The following DNAJC13 variants were observed in gnomAD, a reference collection of about 807,000 sequenced individuals.
DNAJC13 encodes the protein dnaJ homolog subfamily C member 13.
DNAJC13 carries 75 observed loss-of-function variants against 290.5 expected under a neutral mutation model. The ratio of observed to expected loss-of-function variants is 0.26; its 90% CI spans 0.21 to 0.31. The LOEUF is 0.31. Among genes scored for constraint, DNAJC13 ranks in the 10% least tolerant of loss-of-function variants. The pLI, the probability that DNAJC13 is intolerant of heterozygous loss-of-function variation, is 1.00. For synonymous variants in DNAJC13, 862 were observed against 892.0 expected, an observed-to-expected ratio of 0.97 and a Z score of 0.60; for missense variants, 2,260 against 2,674.5, an observed-to-expected ratio of 0.85 and a Z score of 3.42.
chr3:132,514,897 A>ATTTTTTAATG, intron 46 of DNAJC13: 4 of 251,626 alleles, frequency 1.6e-5, no homozygotes, highest in South Asian at 1.6e-4. Flanking sequence ...ACCAAAGGAA[A>ATTTTTTAATG]ATAACCTGGG....
intron 48 of DNAJC13, among the ~76,000 whole-genome samples, chr3:132,517,776 C>T (rs909035509): frequency 2.0e-5 from 3 of 151,996 alleles, no homozygotes; most frequent in Non-Finnish European, 4.4e-5. Context: ...AAAAAAAGTC[C>T]GAGGCTAATT....
At chr3:132,523,355 C>T (rs1936155247) in intron 50 of DNAJC13, among the ~76,000 whole-genome samples, 156 bp downstream of exon 50, 1 of 152,158 alleles carries the variant, frequency 6.6e-6, no homozygotes. Context: ...AATTGGAATA[C>T]TTACTTTCGA....
intron 1 of DNAJC13, among the ~76,000 whole-genome samples, chr3:132,425,727 T>A (rs992273022): frequency 1.3e-5 from 2 of 152,190 alleles, no homozygotes; most frequent in Admixed American, 6.5e-5. Context: ...CTAGCCTGAT[T>A]AATGCCAATC....
chr3:132,534,060 T>C (rs527991274), intron 55 of DNAJC13, among the ~76,000 whole-genome samples: 1 of 152,190 alleles, frequency 6.6e-6, no homozygotes, highest in South Asian at 2.1e-4. Context: ...AAAAGAAAAG[T>C]TGGGGTATAC....
At chr3:132,490,123 A>G (rs1935017236) in intron 31 of DNAJC13, among the ~76,000 whole-genome samples, 1 of 152,242 alleles carries the variant, frequency 6.6e-6, no homozygotes, top group Non-Finnish European at 1.5e-5. Flanking sequence ...TGTTACTCTT[A>G]TTAGCAGAAA....
At position 132,460,170 on chromosome 3, in the gene DNAJC13, T is replaced by C. The variant is rs111595516; in HGVS notation, c.1450-80T>C. ...AATTCTTTCAATGTGTAATGAATAC[T>C]GTTTATAAATGACTTTTGCGTGATG... is the stretch of plus-strand genomic sequence containing the variant. On this transcript the variant is annotated intron_variant, in intron 13 of 55. Coordinates refer to ENST00000260818, the MANE Select transcript of DNAJC13 (RefSeq NM_015268.4). 8.4e-4 allele frequency: 735 copies of C among 870,406 alleles called. 7 individuals are homozygous for C. The African/African-American group carries it at 0.011, about 13-fold the overall frequency. The allele number at this position is 870,406 out of a possible 1,614,324, so 53.9% of individuals were successfully genotyped here.
In DNAJC13 at chr3:132,522,930, C is replaced by G. The variant is rs779923732; in HGVS notation, c.5776C>G (p.Pro1926Ala). The part of the protein sequence containing the change: ...VHIFEGTHEN[P>A]ELIWNDNSRD... ...TATTTTTGAAGGAACTCATGAAAAT[C>G]CTGAGTTAATTTGGAATGATAATTC... The change falls in exon 49 of 56, where the codon CCT (proline) becomes GCT (alanine). Residue 1926 changes from proline to alanine, a missense_variant. Physicochemically the swap from Pro to Ala is conservative, Grantham distance 27. Around this residue, in one of 3 missense-constraint regions of DNAJC13, gnomAD observed 1,494 missense variants for 1,693.7 expected, o/e 0.88. Transcript: ENST00000260818. 1 of 1,613,458 alleles carries G rather than the reference C, an allele frequency of 6.2e-7. No individual in the cohort carries two copies. Among genetic ancestry groups the G allele is most frequent in the Non-Finnish European group, 8.5e-7 (1 of 1,179,810 alleles).
intron 34 of DNAJC13, 145 bp downstream of exon 34, chr3:132,494,404 T>C: frequency 1.5e-6 from 1 of 671,360 alleles, no homozygotes; most frequent in Non-Finnish European, 2.6e-6. Flanking sequence ...TATGGAACTA[T>C]ATCTGTGTGA....
At chr3:132,437,833 T>C (rs1261830877) in intron 2 of DNAJC13, among the ~76,000 whole-genome samples, 1 of 152,198 alleles carries the variant, frequency 6.6e-6, no homozygotes, top group Non-Finnish European at 1.5e-5. Context: ...TTGTTAATTT[T>C]TTTTTAAAAG....
At chr3:132,419,402 AAT>A (rs1938891163) in intron 1 of DNAJC13, among the ~76,000 whole-genome samples, 1 of 89,568 alleles carries the variant, frequency 1.1e-5, no homozygotes, top group Admixed American at 1.0e-4. Flanking sequence ...TAAAAAATAA[AAT>A]ATTAATAAGT....
chr3:132,484,294 C>A, intron 28 of DNAJC13: 1 of 448,276 alleles, frequency 2.2e-6, no homozygotes, highest in Non-Finnish European at 4.2e-6. Flanking sequence ...AAAATACCCA[C>A]TGACAGTGTG....
At chr3:132,503,441 A>G in intron 41 of DNAJC13, 60 bp downstream of exon 41, 1 of 1,577,950 alleles carries the variant, frequency 6.3e-7, no homozygotes, top group Non-Finnish European at 8.7e-7. Flanking sequence ...TTAAGCAGTA[A>G]AGTAGTACAA....
At position 132,490,888 on chromosome 3, in the gene DNAJC13, GT is replaced by G; in HGVS notation, c.3469-5del. 1.3e-6 allele frequency: 2 copies of G among 1,552,736 alleles called. No homozygotes were observed. The highest frequency in any genetic ancestry group is 1.7e-6 in the Non-Finnish European group (2 of 1,153,976). On this transcript the variant is annotated splice_region_variant and splice_polypyrimidine_tract_variant and intron_variant, in intron 31 of 55. Coordinates refer to ENST00000260818, the MANE Select transcript of DNAJC13 (RefSeq NM_015268.4). ...TTTTGACTACCTTTTGTTTTGTTTT[GT>G]TTTGAAGACAAAAGGACAAGATATT...
At chr3:132,528,877 GTTTTA>G (rs1936334841) in intron 54 of DNAJC13, among the ~76,000 whole-genome samples, 1 of 151,808 alleles carries the variant, frequency 6.6e-6, no homozygotes, top group South Asian at 2.1e-4. Context: ...TTCCTCATTG[GTTTTA>G]TTTTTATTAT....
Position 132,511,060 on chromosome 3 carries a change from T to G in DNAJC13, c.5116-7T>G, listed in dbSNP as rs1218458141. 3 of 1,613,510 alleles carry G rather than the reference T, an allele frequency of 1.9e-6. No homozygotes were observed. The Admixed American group carries it at 5.0e-5, about 27-fold the overall frequency. On this transcript the variant is annotated splice_polypyrimidine_tract_variant and splice_region_variant and intron_variant, in intron 43 of 55. Transcript: ENST00000260818. ...ATGTTGTTTAAATACTTGTCTGCAT[T>G]GATTAGGTTCCAAAAGCATTTGCTG...
intron 5 of DNAJC13, among the ~76,000 whole-genome samples, chr3:132,448,875 C>T (rs1436159961): frequency 6.6e-6 from 1 of 152,100 alleles, no homozygotes; most frequent in African/African-American, 2.4e-5. Context: ...GAGCCATGGT[C>T]AAATTTTTAT....
intron 29 of DNAJC13, among the ~76,000 whole-genome samples, chr3:132,485,751 A>G (rs1262844728): frequency 2.0e-5 from 3 of 152,208 alleles, no homozygotes; most frequent in Non-Finnish European, 4.4e-5. Flanking sequence ...ATTGATACCA[A>G]TGATTCAAAG....
chr3:132,480,374 T>C lies in DNAJC13; in HGVS notation c.2778T>C (p.Asn926=). 6 of 1,610,984 alleles carry C rather than the reference T, an allele frequency of 3.7e-6. No individual in the cohort carries two copies. Among genetic ancestry groups the C allele is most frequent in the Non-Finnish European group, 5.1e-6 (6 of 1,177,928 alleles). The part of the protein sequence containing the change: ...FLNKLILNKK[N]VKDLMDSNGI... ...AAAATGTTTTCCTCTTCCAGAAAAA[T>C]GTTAAGGATCTCATGGATTCAAATG... The change falls in exon 26 of 56, where the codon AAT becomes AAC. Residue 926 remains asparagine, a synonymous_variant. Transcript: ENST00000260818.
intron 35 of DNAJC13, 67 bp from the exon 36 acceptor site, chr3:132,496,461 A>G: frequency 1.5e-6 from 2 of 1,377,528 alleles, no homozygotes; most frequent in Non-Finnish European, 2.0e-6. Flanking sequence ...TGCAAACCAT[A>G]TGTCTTGTTT....
Sources: allele counts gnomAD v4.1 joint callset (sites outside exome capture counted in the v4.1 genomes callset), GRCh38; gene constraint gnomAD v4.1.1; regional missense constraint gnomAD v4.1.1; transcripts MANE v1.5; gene names NCBI Gene and HGNC (gene_info 2026-07-23, HGNC 2026-07-21).